Variants in KRIT1 observed in about 807,000 individuals in gnomAD.
The protein encoded by KRIT1 is KRIT1 ankyrin repeat containing.
Under a neutral mutation model 95.8 loss-of-function variants are expected in KRIT1, and 45 were observed. The observed-to-expected ratio is 0.47, with a 90% CI of 0.37 to 0.60. The LOEUF (loss-of-function observed/expected upper bound fraction) is 0.60, where lower values mean the gene tolerates loss of function less well. Among genes scored for constraint, KRIT1 ranks in the 20% least tolerant of loss-of-function variants. The pLI is 0.00. For missense variants in KRIT1, 788 were observed against 877.5 expected (o/e 0.90, Z 1.29); for synonymous variants, 282 against 278.8 (o/e 1.01, Z -0.11).
intron 17 of KRIT1, among the ~76,000 whole-genome samples, chr7:92,204,455 TCTATTA>T (rs1300307019): frequency 6.6e-6 from 1 of 151,956 alleles, no homozygotes; most frequent in Non-Finnish European, 1.5e-5. Context: ...GCACTTTATT[TCTATTA>T]CTATTATATT....
chr7:92,235,412 A>G lies in KRIT1; in HGVS notation c.720T>C (p.Tyr240=), dbSNP rs1798222970. The part of the protein sequence containing the change: ...YNPLFGSDLQ[Y]TNRVDKVVIN... ...TTCATTCAACTCTTACCCGATTTGT[A>G]TACTGAAGATCTGATCCAAACAAAG... Residue 240 remains tyrosine, a synonymous_variant, in exon 8 of 19, where the codon TAT becomes TAC. Coordinates refer to ENST00000394505, the MANE Select transcript of KRIT1 (RefSeq NM_194454.3). 2.5e-6 allele frequency: 4 copies of G among 1,613,838 alleles called. No homozygotes were observed. The East Asian group carries it at 8.9e-5, about 36-fold the overall frequency.
chr7:92,216,393 G>A (rs1794006081), intron 14 of KRIT1, among the ~76,000 whole-genome samples: 1 of 150,450 alleles, frequency 6.6e-6, no homozygotes, highest in African/African-American at 2.4e-5. Flanking sequence ...AAAATGAAGG[G>A]GACTGTTCTA....
intron 14 of KRIT1, among the ~76,000 whole-genome samples, chr7:92,217,834 T>C (rs1794308003): frequency 6.6e-6 from 1 of 152,214 alleles, no homozygotes; most frequent in Non-Finnish European, 1.5e-5. Flanking sequence ...GAAGAACCAC[T>C]GTTTTCCACA....
At position 92,214,748 on chromosome 7, in the gene KRIT1, G is replaced by A; in HGVS notation, c.1593C>T (p.Leu531=). ...ATAAATTATATCTGGCTTCATCAAAGAGAATAAGAATAGCTAGTGGGTCTT... is the reference window on the plus strand; with the variant it reads ...ATAAATTATATCTGGCTTCATCAAAAAGAATAAGAATAGCTAGTGGGTCTT... ...QIEDPLAILI[L]FDEARYNLLK... is the part of the protein sequence containing the mutation. Residue 531 remains leucine, a synonymous_variant, in exon 15 of 19, where the codon CTC becomes CTT. Coordinates refer to ENST00000394505, the MANE Select transcript of KRIT1 (RefSeq NM_194454.3). 1.9e-6 allele frequency: 3 copies of A among 1,604,860 alleles called. No homozygotes were observed. Among genetic ancestry groups the A allele is most frequent in the Non-Finnish European group, 1.7e-6 (2 of 1,171,754 alleles).
At chr7:92,231,016 G>A (rs1023810578) in intron 10 of KRIT1, among the ~76,000 whole-genome samples, 1 of 152,100 alleles carries the variant, frequency 6.6e-6, no homozygotes, top group Non-Finnish European at 1.5e-5. Flanking sequence ...TTTGTAGGAA[G>A]CCAAATCATC....
chr7:92,216,847 T>C (rs1392256489), intron 14 of KRIT1, among the ~76,000 whole-genome samples: 1 of 152,196 alleles, frequency 6.6e-6, no homozygotes, highest in Non-Finnish European at 1.5e-5. Flanking sequence ...TATGAGTAGA[T>C]AATAACAGTT....
rs878951890 is a variant in KRIT1, at chr7:92,199,806, CAG to C, written c.*928_*929del. 3.9e-5 allele frequency: 6 copies of C among 152,136 alleles called. No individual in the cohort carries two copies. The South Asian group carries it at 1.2e-3, about 32-fold the overall frequency. The allele number at this position is 152,136 out of a possible 1,614,324, so 9.4% of individuals were successfully genotyped here. A position where few individuals can be genotyped will look rare whatever the true frequency, so the allele number is the denominator to read the frequency against. ...TAAGTTCACAAGGCCATGCTACTTC[CAG>C]AGAGTGAATGCCCTTGTTTAGAATG... On this transcript the variant is annotated 3_prime_UTR_variant, in exon 19 of 19. Transcript: ENST00000394505.
chr7:92,224,052 T>C (rs367946556), intron 12 of KRIT1, among the ~76,000 whole-genome samples: 2 of 152,334 alleles, frequency 1.3e-5, no homozygotes, highest in South Asian at 4.1e-4. Flanking sequence ...GACTCTGTCT[T>C]ATGCTCTTGG....
intron 14 of KRIT1, among the ~76,000 whole-genome samples, chr7:92,221,029 A>C (rs2131419322): frequency 6.6e-6 from 1 of 152,124 alleles, no homozygotes; most frequent in East Asian, 1.9e-4. Context: ...CTTCCTCTCT[A>C]AAATCCACAG....
chr7:92,242,327 T>C lies in KRIT1; in HGVS notation c.-2-190A>G, dbSNP rs192518423. ...CTAAAAGGCAAGCCAGGAATGACTT[T>C]GACTGCATCTTTACTGTTCAACTAC... On this transcript the variant is annotated intron_variant, in intron 3 of 18. Coordinates refer to ENST00000394505, the MANE Select transcript of KRIT1 (RefSeq NM_194454.3). Among the ~76,000 whole-genome samples the C allele has an allele frequency of 1.8e-4, 27 of 152,374 alleles. No individual in the cohort carries two copies. The East Asian group carries it at 5.0e-3, about 28-fold the overall frequency.
intron 5 of KRIT1, 82 bp downstream of exon 5, chr7:92,240,911 G>A (rs1799476612): frequency 2.6e-6 from 3 of 1,139,398 alleles, no homozygotes; most frequent in Admixed American, 3.5e-5. Context: ...AAAGAAATTG[G>A]TTTAATATGT....
chr7:92,213,035 C>T (rs894998985), intron 17 of KRIT1, among the ~76,000 whole-genome samples, 160 bp downstream of exon 17: 4 of 152,072 alleles, frequency 2.6e-5, no homozygotes, highest in Admixed American at 2.6e-4. Flanking sequence ...AATATTAACG[C>T]CTTACTGACA....
At chr7:92,245,919 T>A (rs1048068941), upstream of KRIT1, 1 of 232,576 alleles carries the variant, frequency 4.3e-6, no homozygotes, top group Non-Finnish European at 8.5e-6. Context: ...GGCTATGAAA[T>A]CGCTTCCGGG....
intron 17 of KRIT1, among the ~76,000 whole-genome samples, chr7:92,201,901 A>G (rs1055280013): frequency 2.6e-5 from 4 of 152,212 alleles, no homozygotes; most frequent in Non-Finnish European, 5.9e-5. Context: ...GCACAGAATC[A>G]CATAGATTGG....
intron 3 of KRIT1, 124 bp from the exon 4 acceptor site, chr7:92,242,261 A>T (rs1007239144): frequency 9.4e-6 from 6 of 641,684 alleles, no homozygotes; most frequent in East Asian, 2.8e-5. Flanking sequence ...CGAAAAAATT[A>T]AAAAAAAATA....
intron 17 of KRIT1, among the ~76,000 whole-genome samples, chr7:92,204,780 G>C (rs2131161042): frequency 6.6e-6 from 1 of 152,170 alleles, no homozygotes; most frequent in Non-Finnish European, 1.5e-5. Context: ...CTCATCTGCT[G>C]TGCGGCCCGG....
chr7:92,235,395 A>T lies in KRIT1; in HGVS notation c.729+8T>A, dbSNP rs1208375976. 2 of 1,613,276 alleles carry T rather than the reference A, an allele frequency of 1.2e-6. No homozygotes were observed. The highest frequency in any genetic ancestry group is 4.5e-5 in the East Asian group (2 of 44,832). On this transcript the variant is annotated splice_region_variant and intron_variant, in intron 8 of 18. Coordinates refer to ENST00000394505, the MANE Select transcript of KRIT1 (RefSeq NM_194454.3). ...TTAAATCAGAGCTAAAATTCATTCAACTCTTACCCGATTTGTATACTGAAG... is the reference window on the plus strand; with the variant it reads ...TTAAATCAGAGCTAAAATTCATTCATCTCTTACCCGATTTGTATACTGAAG...
rs369870901 is a variant in KRIT1 at position 92,234,797 on chromosome 7, C to G, written c.845+11G>C. On this transcript the variant is annotated intron_variant, in intron 9 of 18. Coordinates refer to ENST00000394505, the MANE Select transcript of KRIT1 (RefSeq NM_194454.3). ...TTATAAAAGCAATGTGGAGTAAAACCGAAACAGTACTTGTCTTCTGTGACA... is the reference window on the plus strand; with the variant it reads ...TTATAAAAGCAATGTGGAGTAAAACGGAAACAGTACTTGTCTTCTGTGACA... 1.4e-6 allele frequency: 2 copies of G among 1,469,662 alleles called. No homozygotes were observed. Among genetic ancestry groups the G allele is most frequent in the South Asian group, 1.1e-5 (1 of 88,180 alleles). The allele number at this position is 1,469,662 out of a possible 1,614,324, so 91.0% of individuals were successfully genotyped here. A position where few individuals can be genotyped will look rare whatever the true frequency, so the allele number is the denominator to read the frequency against.
At chr7:92,220,682 ATCCT>A (rs1460954988) in intron 14 of KRIT1, among the ~76,000 whole-genome samples, 1 of 141,780 alleles carries the variant, frequency 7.1e-6, no homozygotes, top group Admixed American at 7.1e-5. Flanking sequence ...TTGTCCATTC[ATCCT>A]TCTTTTTTTT....
Sources: gnomAD v4.1 joint callset for allele counts (sites outside exome capture counted in the v4.1 genomes callset) on GRCh38, gnomAD v4.1.1 for gene constraint, MANE v1.5 for transcripts, NCBI Gene and HGNC (gene_info 2026-07-23, HGNC 2026-07-21) for gene names.